AMZ2: variants seen among roughly 807,000 people sequenced by gnomAD.
AMZ2 encodes archaelysin family metallopeptidase 2.
AMZ2 carries 26 observed loss-of-function variants against 36.7 expected under a neutral mutation model. The observed-to-expected ratio is 0.71, with a 90% CI of 0.52 to 0.98. AMZ2 has a LOEUF of 0.98. Among genes scored for constraint, AMZ2 ranks in the 50% least tolerant of loss-of-function variants. AMZ2 has a pLI of 0.00. For synonymous variants in AMZ2, 144 were observed against 149.1 expected, an observed-to-expected ratio of 0.97 and a Z score of 0.25; for missense variants, 394 against 430.5, an observed-to-expected ratio of 0.92 and a Z score of 0.75.
rs782607300 is a variant in AMZ2, at chr17:68,254,455, A to C, written c.638A>C (p.His213Pro). Reference protein sequence around the residue: ...ARYGSDFYSMHYKGKVKKLKK... With the variant: ...ARYGSDFYSMPYKGKVKKLKK... ...TATGGCAGTGATTTTTATAGCATGC[A>C]CTATAAAGGCAAAGTGAAGAAGCTC... Residue 213 changes from histidine to proline, a missense_variant, in exon 5 of 7, where the codon CAC becomes CCC. Physicochemically the swap from His to Pro is moderately conservative, Grantham distance 77. Transcript: ENST00000359904. 3.1e-6 allele frequency: 5 copies of C among 1,613,580 alleles called. No homozygotes were observed.
intron 1 of AMZ2, among the ~76,000 whole-genome samples, chr17:68,237,964 G>A (rs1249922932): frequency 1.3e-5 from 2 of 152,186 alleles, no homozygotes; most frequent in African/African-American, 2.4e-5. Flanking sequence ...GCTGTTTTAC[G>A]TTTGGTTGGT....
chr17:68,249,175 A>C, intron 1 of AMZ2: 1 of 986,856 alleles, frequency 1.0e-6, no homozygotes, highest in Non-Finnish European at 1.3e-6. Context: ...TCAGTGGCTA[A>C]GCTGTAGTTT....
At chr17:68,236,654 C>T (rs1214246206) in intron 1 of AMZ2, among the ~76,000 whole-genome samples, 1 of 150,274 alleles carries the variant, frequency 6.7e-6, no homozygotes, top group East Asian at 2.0e-4. Flanking sequence ...TCACTGCAAC[C>T]TCTGTCTCCC....
rs1555741665 is a variant in AMZ2, at chr17:68,254,486, A to G, written c.669A>G (p.Lys223=). 6 of 1,613,718 alleles carry G rather than the reference A, an allele frequency of 3.7e-6. 1 individual carries two copies. Among genetic ancestry groups the G allele is most frequent in the South Asian group, 2.2e-5 (2 of 91,058 alleles). Residue 223 remains lysine, a synonymous_variant, in exon 5 of 7, where the codon AAA becomes AAG. Coordinates refer to ENST00000359904, the MANE Select transcript of AMZ2 (RefSeq NM_016627.5). The part of the protein sequence containing the change: ...HYKGKVKKLK[K]TSSSDYSIFD... ...AAGGCAAAGTGAAGAAGCTCAAGAAAACATCTTCAAGTGACTATTCAATTT... is the reference window on the plus strand; with the variant it reads ...AAGGCAAAGTGAAGAAGCTCAAGAAGACATCTTCAAGTGACTATTCAATTT...
chr17:68,249,936 GC>G (rs569005766), intron 1 of AMZ2: 20 of 465,518 alleles, frequency 4.3e-5, no homozygotes, highest in African/African-American at 3.0e-4. Flanking sequence ...ACCACACCTG[GC>G]CACCACTAGT....
rs149142943 is a variant in AMZ2 at position 68,208,051 on chromosome 17, C to T, written c.-67+1813C>T. ...TCGCAGGGCCTTAGCTGCCTTCCCA[C>T]GGGGCAGCACTTGGGACCTGCAGCC... On this transcript the variant is annotated intron_variant, in intron 1 of 7. Transcript: ENST00000674770. Among the ~76,000 whole-genome samples, 567 of 152,258 alleles carry T rather than the reference C, an allele frequency of 3.7e-3. 4 individuals are homozygous for T. Among genetic ancestry groups the T allele is most frequent in the African/African-American group, 0.012 (490 of 41,554 alleles).
intron 1 of AMZ2, among the ~76,000 whole-genome samples, chr17:68,207,907 C>T (rs1383749257): frequency 2.6e-5 from 4 of 151,850 alleles, no homozygotes; most frequent in Non-Finnish European, 4.4e-5. Context: ...TGCGGGCCAG[C>T]GTGAGTTCCC....
chr17:68,209,604 G>GTGTGTA (rs1324576987), intron 1 of AMZ2, among the ~76,000 whole-genome samples: 1 of 117,758 alleles, frequency 8.5e-6, no homozygotes, highest in African/African-American at 3.6e-5. Context: ...GTGTGTGTGT[G>GTGTGTA]TATATGTATA....
intron 1 of AMZ2, among the ~76,000 whole-genome samples, chr17:68,213,623 G>A (rs1555726582): frequency 6.6e-6 from 1 of 152,300 alleles, no homozygotes; most frequent in East Asian, 1.9e-4. Context: ...CCTTGTGTGG[G>A]CCACTTTCAT....
intron 1 of AMZ2, among the ~76,000 whole-genome samples, chr17:68,216,211 G>A (rs1296597122): frequency 6.6e-6 from 1 of 152,112 alleles, no homozygotes. Flanking sequence ...ATGGCTCACT[G>A]CAGCCTCAAT....
rs1417357791 is a variant in AMZ2, at chr17:68,248,714, A to G, written c.-1+9A>G. On this transcript the variant is annotated intron_variant, in intron 1 of 6. Transcript: ENST00000359904. ...CTTCCTTCCTAATCAAGGTAGGTAGACTACAGGAAGGTACATCTTGTTTTA... is the reference window on the plus strand; with the variant it reads ...CTTCCTTCCTAATCAAGGTAGGTAGGCTACAGGAAGGTACATCTTGTTTTA... 5.1e-6 allele frequency: 5 copies of G among 987,544 alleles called. No homozygotes were observed. Among genetic ancestry groups the G allele is most frequent in the Non-Finnish European group, 6.0e-6 (5 of 831,338 alleles). 61.2% of individuals were successfully genotyped at this position (987,544 alleles called of 1,614,324 possible).
chr17:68,209,624 A>T (rs11650812), intron 1 of AMZ2, among the ~76,000 whole-genome samples: 10,016 of 91,668 alleles, frequency 0.11, 598 homozygotes, highest in East Asian at 0.21. Context: ...ATATATATAT[A>T]TATATATATT....
intron 4 of AMZ2, among the ~76,000 whole-genome samples, chr17:68,251,587 A>G (rs1411175718): frequency 3.3e-5 from 5 of 152,138 alleles, no homozygotes; most frequent in Non-Finnish European, 7.3e-5. Flanking sequence ...GGATTGCTTG[A>G]GCCCAGGAGG....
Position 68,233,187 on chromosome 17 carries a change from C to A in AMZ2, c.-66-15453C>A, listed in dbSNP as rs782495068. Among the ~76,000 whole-genome samples the A allele has an allele frequency of 2.0e-5, 3 of 152,164 alleles. No homozygotes were observed. The South Asian group carries it at 6.2e-4, about 32-fold the overall frequency. ...GACCATTAGGGTCATCAACTAATTACCCATGTTTACCAAGAAAGCTTGTTA... is the reference window on the plus strand; with the variant it reads ...GACCATTAGGGTCATCAACTAATTAACCATGTTTACCAAGAAAGCTTGTTA... On this transcript the variant is annotated intron_variant, in intron 1 of 7. Coordinates refer to the AMZ2 transcript ENST00000674770.
upstream of AMZ2, chr17:68,247,336 CAA>C (rs71142158): frequency 2.1e-3 from 162 of 78,188 alleles, no homozygotes; most frequent in African/African-American, 5.6e-3. Flanking sequence ...ACTCCGTCTC[CAA>C]AAAAAAAAAA....
intron 1 of AMZ2, among the ~76,000 whole-genome samples, chr17:68,208,749 T>G (rs2144448750): frequency 6.6e-6 from 1 of 152,244 alleles, no homozygotes; most frequent in Non-Finnish European, 1.5e-5. Context: ...GCTTCACTCC[T>G]AAAGCCAGCG....
intron 1 of AMZ2, among the ~76,000 whole-genome samples, chr17:68,239,072 C>T (rs2073850476): frequency 6.6e-6 from 1 of 152,142 alleles, no homozygotes; most frequent in Admixed American, 6.5e-5. Context: ...TTTGCTTGTA[C>T]AGTGCCGTTC....
Position 68,235,846 on chromosome 17 carries a change from T to A in AMZ2, c.-66-12794T>A, listed in dbSNP as rs35330217. 0.099 allele frequency among the ~76,000 whole-genome samples: 15,034 copies of A among 151,880 alleles called. 850 individuals carry two copies. The highest frequency in any genetic ancestry group is 0.12 in the Non-Finnish European group (8,012 of 67,910). ...CCCAAAATCTTACTTTTTTTTTTTT[T>A]CGAGATAGTTTCTCACTTGGTCCAC... On this transcript the variant is annotated intron_variant, in intron 1 of 7. Coordinates refer to the AMZ2 transcript ENST00000674770. This position sits in a 1 kb window ranked among gnomAD's most constrained non-coding sequence, Gnocchi z 4.2.
chr17:68,213,612 C>A (rs1456831428), intron 1 of AMZ2, among the ~76,000 whole-genome samples: 1 of 152,182 alleles, frequency 6.6e-6, no homozygotes, highest in Non-Finnish European at 1.5e-5. Flanking sequence ...CAGTGATACG[C>A]CCTTGTGTGG....
Sources: gnomAD v4.1 joint callset for allele counts (sites outside exome capture counted in the v4.1 genomes callset) on GRCh38, gnomAD v4.1.1 for gene constraint, Gnocchi (gnomAD v3.1) non-coding constraint, MANE v1.5 for transcripts, NCBI Gene and HGNC (gene_info 2026-07-23, HGNC 2026-07-21) for gene names.